PPP6R3: variants seen among roughly 807,000 people sequenced by gnomAD.
PPP6R3 encodes protein phosphatase 6 regulatory subunit 3.
Under a neutral mutation model 110.7 loss-of-function variants are expected in PPP6R3, and 38 were observed. The ratio of observed to expected loss-of-function variants is 0.34; its 90% CI spans 0.26 to 0.45. PPP6R3 has a LOEUF of 0.45. PPP6R3 is among the 20% of genes least tolerant of loss of function. The pLI, the probability that PPP6R3 is intolerant of heterozygous loss-of-function variation, is 1.00. For missense variants in PPP6R3, 870 were observed against 1,062.4 expected, an observed-to-expected ratio of 0.82 and a Z score of 2.52; for synonymous variants, 369 against 373.5, an observed-to-expected ratio of 0.99 and a Z score of 0.14.
At chr11:68,468,587 G>A (rs1171637532) in intron 1 of PPP6R3, among the ~76,000 whole-genome samples, 1 of 152,220 alleles carries the variant, frequency 6.6e-6, no homozygotes, top group African/African-American at 2.4e-5. Flanking sequence ...CTCAAGGAGA[G>A]AAATGGAGTA....
rs935821344 is a variant in PPP6R3 at position 68,535,235 on chromosome 11, G to A, written c.-6-2424G>A. Among the ~76,000 whole-genome samples the A allele has an allele frequency of 3.3e-5, 5 of 152,094 alleles. No homozygotes were observed. In the East Asian group the frequency reaches 5.8e-4, roughly 18 times the overall value. On this transcript the variant is annotated intron_variant, in intron 2 of 23. Coordinates refer to ENST00000393800, the MANE Select transcript of PPP6R3 (RefSeq NM_001164161.2). ...CTGCGGATGCCCCTACCCACCCCTC[G>A]TCTGGAGCAGAGAAGTCCTGTTAGC... is the stretch of plus-strand genomic sequence containing the variant.
At chr11:68,603,221 TCTCA>T (rs775195530) in intron 21 of PPP6R3, 117 bp from the exon 22 acceptor site, 34 of 1,293,968 alleles carry the variant, frequency 2.6e-5, no homozygotes, top group Non-Finnish European at 3.4e-5. Flanking sequence ...GCAGAAGCCA[TCTCA>T]CTCTTTTTTT....
intron 3 of PPP6R3, 66 bp downstream of exon 3, chr11:68,537,957 T>C (rs2099279057): frequency 4.2e-6 from 5 of 1,184,192 alleles, no homozygotes; most frequent in East Asian, 2.5e-5. Context: ...TATACAGCTC[T>C]TGTTCAAGGA....
intron 1 of PPP6R3, among the ~76,000 whole-genome samples, chr11:68,490,761 C>T (rs2098979147): frequency 6.6e-6 from 1 of 151,944 alleles, no homozygotes; most frequent in Non-Finnish European, 1.5e-5. Flanking sequence ...TTCTTCATTT[C>T]TGTTACAGTG....
intron 1 of PPP6R3, among the ~76,000 whole-genome samples, chr11:68,484,481 C>T (rs2098933834): frequency 6.6e-6 from 1 of 151,948 alleles, no homozygotes; most frequent in African/African-American, 2.4e-5. Flanking sequence ...TTTTCAAATG[C>T]TTACTTGCTG....
intron 23 of PPP6R3, 118 bp from the exon 24 acceptor site, chr11:68,612,948 C>CTAAGT: frequency 2.0e-6 from 3 of 1,519,556 alleles, no homozygotes; most frequent in East Asian, 2.5e-5. Context: ...TAAAAACTTA[C>CTAAGT]TAAGTTCAAA....
At chr11:68,583,302 T>C (rs536218597) in intron 15 of PPP6R3, among the ~76,000 whole-genome samples, 173 bp downstream of exon 15, 11 of 152,342 alleles carry the variant, frequency 7.2e-5, no homozygotes, top group African/African-American at 2.6e-4. Flanking sequence ...AAGATAGATT[T>C]GTATTGGTTA....
At chr11:68,475,519 C>T (rs1199818873) in intron 1 of PPP6R3, among the ~76,000 whole-genome samples, 4 of 151,534 alleles carry the variant, frequency 2.6e-5, no homozygotes, top group Non-Finnish European at 4.4e-5. Context: ...ACCTCCCGGA[C>T]GGGGCAGCGG....
intron 1 of PPP6R3, among the ~76,000 whole-genome samples, chr11:68,485,870 G>T (rs1484921501): frequency 1.3e-5 from 2 of 151,946 alleles, no homozygotes; most frequent in Admixed American, 6.6e-5. Flanking sequence ...ACAGATTTTT[G>T]ATTATTAAAG....
intron 12 of PPP6R3, 73 bp from the exon 13 acceptor site, chr11:68,574,036 C>G: frequency 1.9e-6 from 2 of 1,043,868 alleles, no homozygotes; most frequent in Non-Finnish European, 1.5e-6. Context: ...TTTAAAAGTC[C>G]GCAGTATTTA....
intron 4 of PPP6R3, 60 bp downstream of exon 4, chr11:68,545,084 C>G (rs1171577714): frequency 2.3e-6 from 3 of 1,312,622 alleles, no homozygotes; most frequent in East Asian, 2.4e-5. Flanking sequence ...AGGTGATCCC[C>G]CAGTACTTGT....
intron 1 of PPP6R3, among the ~76,000 whole-genome samples, chr11:68,503,231 C>A (rs1010182863): frequency 1.3e-5 from 2 of 152,170 alleles, no homozygotes; most frequent in Non-Finnish European, 2.9e-5. Context: ...CGTGAGCCAC[C>A]GTGCCCGGCC....
Position 68,585,263 on chromosome 11 carries a change from AG to A in PPP6R3, c.1632+2135del, listed in dbSNP as rs538220903. 1.1e-3 allele frequency among the ~76,000 whole-genome samples: 165 copies of A among 152,348 alleles called. 1 individual carries two copies. Among genetic ancestry groups the A allele is most frequent in the African/African-American group, 3.9e-3 (161 of 41,582 alleles). The stretch of plus-strand genomic sequence containing the variant: ...GGGTGAGGCCCCCATGGAGGTCTGG[AG>A]AATTCAGACTGACTGCCGCATATGG... On this transcript the variant is annotated intron_variant, in intron 15 of 23. Transcript: ENST00000393800.
rs756518189 is a variant in PPP6R3 at position 68,600,505 on chromosome 11, A to C, written c.2192+11A>C. ...CACGTCTTCCCTGAGGTGAGCGAAC[A>C]TGTGCTGTCTCTACACCCTTCCACG... On this transcript the variant is annotated intron_variant, in intron 20 of 23. Transcript: ENST00000393800. 36 of 1,611,808 alleles carry C rather than the reference A, an allele frequency of 2.2e-5. No homozygotes were observed. The highest frequency in any genetic ancestry group is 2.7e-5 in the Non-Finnish European group (32 of 1,179,324).
At chr11:68,502,557 C>A (rs143602026) in intron 1 of PPP6R3, among the ~76,000 whole-genome samples, 1 of 152,246 alleles carries the variant, frequency 6.6e-6, no homozygotes, top group Non-Finnish European at 1.5e-5. Context: ...CTTAAAAGAT[C>A]TTTATGGATG....
At position 68,614,891 on chromosome 11, in the gene PPP6R3, T is replaced by C. The variant is rs960654299; in HGVS notation, c.*1774T>C. On this transcript the variant is annotated 3_prime_UTR_variant, in exon 24 of 24. Transcript: ENST00000393800. ...ATTACTGGTAGATAATATGCTCTGG[T>C]CTCGCCTGGTGGTGAGTTTTGCCAG... 9 of 846,692 alleles carry C rather than the reference T, an allele frequency of 1.1e-5. No individual in the cohort carries two copies. In the African/African-American group the frequency reaches 1.3e-4, roughly 13 times the overall value. 52.4% of individuals were successfully genotyped at this position (846,692 alleles called of 1,614,324 possible).
chr11:68,467,969 T>C (rs2098760381), intron 1 of PPP6R3, among the ~76,000 whole-genome samples: 1 of 152,180 alleles, frequency 6.6e-6, no homozygotes, highest in Non-Finnish European at 1.5e-5. Flanking sequence ...AGATGGAGTT[T>C]CACCATGTTG....
At chr11:68,508,702 T>A (rs1206627938) in intron 1 of PPP6R3, among the ~76,000 whole-genome samples, 2 of 152,180 alleles carry the variant, frequency 1.3e-5, no homozygotes, top group East Asian at 3.9e-4. Context: ...ATTTTTATAT[T>A]ATGTTACACT....
At chr11:68,603,845 C>A (rs554721848) in intron 22 of PPP6R3, among the ~76,000 whole-genome samples, 2 of 152,322 alleles carry the variant, frequency 1.3e-5, no homozygotes, top group African/African-American at 4.8e-5. Flanking sequence ...TTTACAAAAA[C>A]CTTTACTTAT....
Sources: allele counts gnomAD v4.1 joint callset (sites outside exome capture counted in the v4.1 genomes callset), GRCh38; gene constraint gnomAD v4.1.1; transcripts MANE v1.5; gene names NCBI Gene and HGNC (gene_info 2026-07-23, HGNC 2026-07-21).